SFT2D2: variants seen among roughly 807,000 people sequenced by gnomAD.
SFT2D2 encodes the protein vesicle transport protein SFT2B.
A neutral mutation model predicts 27.4 loss-of-function variants in SFT2D2; 21 were observed. The ratio of observed to expected loss-of-function variants is 0.77; its 90% CI spans 0.54 to 1.10. The LOEUF is 1.10. Among genes scored for constraint, SFT2D2 ranks in the 50% least tolerant of loss-of-function variants. The pLI is 0.00. For missense variants in SFT2D2, 187 were observed against 194.2 expected (o/e 0.96, Z 0.22); for synonymous variants, 72 against 71.7 (o/e 1.00, Z -0.02).
At chr1:168,238,419 G>A (rs1018374961) in intron 6 of SFT2D2, among the ~76,000 whole-genome samples, 1 of 152,078 alleles carries the variant, frequency 6.6e-6, no homozygotes, top group African/African-American at 2.4e-5. Context: ...ACTTTGGGAG[G>A]CTGAGGTGGG....
At chr1:168,231,175 A>T (rs1647269576) in intron 1 of SFT2D2, among the ~76,000 whole-genome samples, 1 of 152,072 alleles carries the variant, frequency 6.6e-6, no homozygotes, top group South Asian at 2.1e-4. Flanking sequence ...TGTGGTCTTC[A>T]TCCTGCCTGG....
In SFT2D2 at chr1:168,239,207, G is replaced by C. The variant is rs1475981178; in HGVS notation, c.443+47G>C. Reference sequence around the variant, plus strand: ...TAATGATTTCTGTCATTTTAATTCAGAGTCTGCTTTCAGAGAGTATAGCCT... The same window carrying C: ...TAATGATTTCTGTCATTTTAATTCACAGTCTGCTTTCAGAGAGTATAGCCT... On this transcript the variant is annotated intron_variant, in intron 7 of 7. Coordinates refer to ENST00000271375, the MANE Select transcript of SFT2D2 (RefSeq NM_199344.3). The C allele has an allele frequency of 3.4e-6, 5 of 1,449,342 alleles. No homozygotes were observed. In the African/African-American group the frequency reaches 4.2e-5, roughly 12 times the overall value. 89.8% of individuals were successfully genotyped at this position (1,449,342 alleles called of 1,614,324 possible).
Position 168,250,623 on chromosome 1 carries a change from A to G in SFT2D2, c.*8083A>G, listed in dbSNP as rs1647930650. On this transcript the variant is annotated 3_prime_UTR_variant, in exon 8 of 8. Transcript: ENST00000271375. ...AGCACTGCCCTTCAGAACAGAAGAG[A>G]TGGCTTCCAGTCCCCTCTCCCCCTT... 6.5e-6 allele frequency: 1 copy of G among 153,154 alleles called. No homozygotes were observed. Among genetic ancestry groups the G allele is most frequent in the Non-Finnish European group, 1.5e-5 (1 of 68,940 alleles). The allele number at this position is 153,154 out of a possible 1,614,324, so 9.5% of individuals were successfully genotyped here.
intron 6 of SFT2D2, among the ~76,000 whole-genome samples, chr1:168,237,524 G>C (rs1647535141): frequency 6.6e-6 from 1 of 152,190 alleles, no homozygotes; most frequent in African/African-American, 2.4e-5. Flanking sequence ...TTCTTTCAAA[G>C]TTTATCAAGG....
chr1:168,233,419 ATCTG>A (rs1437440644), intron 3 of SFT2D2, among the ~76,000 whole-genome samples: 1 of 152,174 alleles, frequency 6.6e-6, no homozygotes, highest in Non-Finnish European at 1.5e-5. Flanking sequence ...GACTTGTTAG[ATCTG>A]TAAGCCACTT....
intron 4 of SFT2D2, among the ~76,000 whole-genome samples, chr1:168,235,583 C>G (rs1243165009): frequency 6.6e-6 from 1 of 152,144 alleles, no homozygotes; most frequent in Admixed American, 6.5e-5. Flanking sequence ...TATAGAATGG[C>G]CTCTTTATTC....
chr1:168,243,930 G>T lies in SFT2D2; in HGVS notation c.*1390G>T, dbSNP rs924451481. The stretch of plus-strand genomic sequence containing the variant: ...TGTTCCCTTTCAGCTCCTCCTTGTT[G>T]CCTGACTACGATTAGTGCCCTGTCT... On this transcript the variant is annotated 3_prime_UTR_variant, in exon 8 of 8. Transcript: ENST00000271375. 3.3e-5 allele frequency: 5 copies of T among 152,326 alleles called. No homozygotes were observed. The highest frequency in any genetic ancestry group is 4.8e-5 in the African/African-American group (2 of 41,376). The allele number at this position is 152,326 out of a possible 1,614,324, so 9.4% of individuals were successfully genotyped here. A position where few individuals can be genotyped will look rare whatever the true frequency, so the allele number is the denominator to read the frequency against.
chr1:168,226,586 TG>T (rs1700461427), intron 1 of SFT2D2, among the ~76,000 whole-genome samples: 1 of 151,728 alleles, frequency 6.6e-6, no homozygotes, highest in Non-Finnish European at 1.5e-5. Flanking sequence ...GCGACGGGGC[TG>T]GTGGCCGCGC....
chr1:168,236,591 G>A lies in SFT2D2; in HGVS notation c.321G>A (p.Leu107=). ...TRLIATIMVL[L]CFALTLCSAF... Reference sequence around the variant, plus strand: ...TAATGTTTCCTTTCTTCCTTTAGTTGTGTTTTGCACTTACCCTGTGTTCTG... The same window carrying A: ...TAATGTTTCCTTTCTTCCTTTAGTTATGTTTTGCACTTACCCTGTGTTCTG... Residue 107 remains leucine, a splice_region_variant and synonymous_variant, in exon 5 of 8, where the codon TTG becomes TTA. Transcript: ENST00000271375. The A allele has an allele frequency of 1.2e-6, 2 of 1,611,972 alleles. No homozygotes were observed. Among genetic ancestry groups the A allele is most frequent in the Non-Finnish European group, 1.7e-6 (2 of 1,179,504 alleles).
At position 168,244,962 on chromosome 1, in the gene SFT2D2, C is replaced by T. The variant is rs1286729364; in HGVS notation, c.*2422C>T. 1 of 152,150 alleles carries T rather than the reference C, an allele frequency of 6.6e-6. No homozygotes were observed. Among genetic ancestry groups the T allele is most frequent in the Non-Finnish European group, 1.5e-5 (1 of 68,040 alleles). The allele number at this position is 152,150 out of a possible 1,614,324, so 9.4% of individuals were successfully genotyped here. ...CTGTCGAAGGGCATCTTTAAAATAT[C>T]TACTGCTAACATCCTATGTAATGAT... On this transcript the variant is annotated 3_prime_UTR_variant, in exon 8 of 8. Transcript: ENST00000271375.
intron 1 of SFT2D2, among the ~76,000 whole-genome samples, chr1:168,226,968 C>G (rs1267933557): frequency 1.3e-5 from 2 of 152,020 alleles, no homozygotes; most frequent in East Asian, 3.9e-4. Context: ...TACAGACACC[C>G]GCCATCAAAC....
intron 1 of SFT2D2, 145 bp downstream of exon 1, chr1:168,226,287 G>A: frequency 4.5e-6 from 3 of 665,490 alleles, no homozygotes; most frequent in Non-Finnish European, 7.1e-6. Flanking sequence ...GCAGGGCTCC[G>A]CGAAGAGGTC....
chr1:168,245,376 T>G lies in SFT2D2; in HGVS notation c.*2836T>G, dbSNP rs139254206. On this transcript the variant is annotated 3_prime_UTR_variant, in exon 8 of 8. Coordinates refer to ENST00000271375, the MANE Select transcript of SFT2D2 (RefSeq NM_199344.3). ...TTTACAATAGCATTAAAATATAAAATTCTTGGGAATAAACCCGACAAACTA... is the reference window on the plus strand; with the variant it reads ...TTTACAATAGCATTAAAATATAAAAGTCTTGGGAATAAACCCGACAAACTA... 1 of 152,138 alleles carries G rather than the reference T, an allele frequency of 6.6e-6. No homozygotes were observed. The allele number at this position is 152,138 out of a possible 1,614,324, so 9.4% of individuals were successfully genotyped here.
At position 168,246,384 on chromosome 1, in the gene SFT2D2, ACTTTAT is replaced by A. The variant is rs1236252305; in HGVS notation, c.*3848_*3853del. On this transcript the variant is annotated 3_prime_UTR_variant, in exon 8 of 8. Transcript: ENST00000271375. ...TACTTGCTTTTCTGTGCATTTTTCT[ACTTTAT>A]CTTGGCCACTTGTGTACATTTTTTC... is the stretch of plus-strand genomic sequence containing the variant. The A allele has an allele frequency of 4.7e-6, 3 of 641,038 alleles. No individual in the cohort carries two copies. The highest frequency in any genetic ancestry group is 1.9e-5 in the African/African-American group (1 of 53,742). The allele number at this position is 641,038 out of a possible 1,614,324, so 39.7% of individuals were successfully genotyped here.
intron 3 of SFT2D2, among the ~76,000 whole-genome samples, chr1:168,234,292 G>A (rs993034690): frequency 1.6e-4 from 24 of 152,070 alleles, no homozygotes; most frequent in African/African-American, 5.8e-4. Context: ...TACTTGGGAG[G>A]CTGAGGCAGG....
At chr1:168,229,160 C>G (rs981186172) in intron 1 of SFT2D2, among the ~76,000 whole-genome samples, 8 of 152,080 alleles carry the variant, frequency 5.3e-5, no homozygotes, top group African/African-American at 1.9e-4. Context: ...AAGGTAGAAA[C>G]CAGAAACACA....
At position 168,245,062 on chromosome 1, in the gene SFT2D2, G is replaced by T. The variant is rs190156165; in HGVS notation, c.*2522G>T. The T allele has an allele frequency of 1.3e-5, 2 of 152,258 alleles. No homozygotes were observed. The highest frequency in any genetic ancestry group is 1.3e-4 in the Admixed American group (2 of 15,300). 9.4% of individuals were successfully genotyped at this position (152,258 alleles called of 1,614,324 possible). A position where few individuals can be genotyped will look rare whatever the true frequency, so the allele number is the denominator to read the frequency against. Reference sequence around the variant, plus strand: ...ACTCTTACCACTTCTATTCAACGTTGTACTGAAAATTCTAGCCACTGCAAT... The same window carrying T: ...ACTCTTACCACTTCTATTCAACGTTTTACTGAAAATTCTAGCCACTGCAAT... On this transcript the variant is annotated 3_prime_UTR_variant, in exon 8 of 8. Transcript: ENST00000271375.
In SFT2D2 at chr1:168,243,169, C is replaced by G. The variant is rs1290799352; in HGVS notation, c.*629C>G. 6.6e-6 allele frequency: 1 copy of G among 152,492 alleles called. No homozygotes were observed. Among genetic ancestry groups the G allele is most frequent in the African/African-American group, 2.4e-5 (1 of 41,392 alleles). The allele number at this position is 152,492 out of a possible 1,614,324, so 9.4% of individuals were successfully genotyped here. A position where few individuals can be genotyped will look rare whatever the true frequency, so the allele number is the denominator to read the frequency against. On this transcript the variant is annotated 3_prime_UTR_variant, in exon 8 of 8. Coordinates refer to ENST00000271375, the MANE Select transcript of SFT2D2 (RefSeq NM_199344.3). ...TGCGCCTGACTGTGGAATGTATTTT[C>G]TGACATTAGGTGCAGACTCTTTTTC...
At chr1:168,235,287 A>C in intron 4 of SFT2D2, 105 bp downstream of exon 4, 1 of 1,104,336 alleles carries the variant, frequency 9.1e-7, no homozygotes, top group Non-Finnish European at 1.4e-6. Context: ...TTTTCCGTTC[A>C]GCTTGACTTA....
Sources: gnomAD v4.1 joint callset for allele counts (sites outside exome capture counted in the v4.1 genomes callset) on GRCh38, gnomAD v4.1.1 for gene constraint, MANE v1.5 for transcripts, NCBI Gene and HGNC (gene_info 2026-07-23, HGNC 2026-07-21) for gene names.